The following RANBP2 variants were observed in gnomAD, a reference collection of about 807,000 sequenced individuals.
RANBP2 encodes E3 SUMO-protein ligase RanBP2.
A neutral mutation model predicts 303.6 loss-of-function variants in RANBP2; 57 were observed. That is an observed-to-expected ratio of 0.19 (90% confidence interval 0.15 to 0.23). The LOEUF is 0.23. Ranked by LOEUF, RANBP2 falls within the 10% of genes least tolerant of loss-of-function variation. The probability of loss-of-function intolerance (pLI) is 1.00; values close to 1 mark genes in which losing one functional copy is unlikely to be tolerated. For missense variants in RANBP2, 3,138 were observed against 3,780.8 expected, an observed-to-expected ratio of 0.83 and a Z score of 4.46; for synonymous variants, 1,167 against 1,301.5, an observed-to-expected ratio of 0.90 and a Z score of 2.23.
chr2:108,819,149 A>T, the RANBP2 span, among the ~76,000 whole-genome samples: 1 of 152,302 alleles, frequency 6.6e-6, no homozygotes, highest in Non-Finnish European at 1.5e-5. Context: ...TTGCAATATA[A>T]TGACAAGGAC....
the RANBP2 span, among the ~76,000 whole-genome samples, chr2:108,792,336 A>G: frequency 6.6e-6 from 1 of 152,172 alleles, no homozygotes; most frequent in Non-Finnish European, 1.5e-5. Context: ...CCTTTGTCCC[A>G]TTATTCTCAT....
chr2:108,742,454 C>T (rs984618252), intron 7 of RANBP2, among the ~76,000 whole-genome samples: 3 of 152,072 alleles, frequency 2.0e-5, no homozygotes, highest in African/African-American at 7.2e-5. Flanking sequence ...CAGGCACACA[C>T]CACCATGCCT....
chr2:109,548,537 A>G, the RANBP2 span, among the ~76,000 whole-genome samples: 10 of 152,108 alleles, frequency 6.6e-5, no homozygotes, highest in African/African-American at 2.4e-4. Context: ...GACGTTTGGG[A>G]GGCCGAGGTG....
chr2:109,033,864 G>A, the RANBP2 span, among the ~76,000 whole-genome samples: 2 of 151,130 alleles, frequency 1.3e-5, no homozygotes, highest in African/African-American at 2.4e-5. Flanking sequence ...GCTGAGGCAC[G>A]AGAATTGCTT....
the RANBP2 span, among the ~76,000 whole-genome samples, chr2:109,706,267 G>A: frequency 1.3e-5 from 2 of 152,300 alleles, no homozygotes; most frequent in African/African-American, 2.4e-5. Context: ...CCCATTTCAC[G>A]CAGATGCGGA....
At chr2:109,163,204 C>T in the RANBP2 span, among the ~76,000 whole-genome samples, 57 of 152,228 alleles carry the variant, frequency 3.7e-4, no homozygotes, top group South Asian at 0.012. Flanking sequence ...AACTCGCGGG[C>T]AGCTTTGGCA....
At chr2:109,290,719 G>A in the RANBP2 span, among the ~76,000 whole-genome samples, 1 of 152,222 alleles carries the variant, frequency 6.6e-6, no homozygotes, top group South Asian at 2.1e-4. Flanking sequence ...CTGCCCAGCT[G>A]CACTCAAGGG....
At chr2:109,083,302 C>T in the RANBP2 span, among the ~76,000 whole-genome samples, 1 of 152,136 alleles carries the variant, frequency 6.6e-6, no homozygotes, top group Non-Finnish European at 1.5e-5. Context: ...ATTCTCTCCA[C>T]CCACCACAGC....
chr2:109,090,658 C>T, the RANBP2 span, among the ~76,000 whole-genome samples: 22 of 152,100 alleles, frequency 1.4e-4, 1 homozygote, highest in African/African-American at 4.6e-4. Context: ...TAATTAGTTG[C>T]TTTAATTTTT....
At chr2:109,251,008 T>C in the RANBP2 span, among the ~76,000 whole-genome samples, 5 of 151,926 alleles carry the variant, frequency 3.3e-5, no homozygotes, top group African/African-American at 1.2e-4. Flanking sequence ...TTTTTATTTA[T>C]TTATTTTTTT....
At chr2:109,449,722 A>G in the RANBP2 span, among the ~76,000 whole-genome samples, 1 of 152,228 alleles carries the variant, frequency 6.6e-6, no homozygotes, top group Non-Finnish European at 1.5e-5. Context: ...GTCCAGCTAC[A>G]TTTCTCATGC....
the RANBP2 span, among the ~76,000 whole-genome samples, chr2:109,707,059 T>A: frequency 2.6e-5 from 4 of 152,238 alleles, no homozygotes; most frequent in Non-Finnish European, 5.9e-5. Context: ...ATATTACATC[T>A]TACTCTATTT....
At position 108,755,037 on chromosome 2, in the gene RANBP2, AC is replaced by A. The variant is rs1482412339; in HGVS notation, c.2336del (p.Thr779AsnfsTer33). On this transcript the variant is annotated frameshift_variant, in exon 16 of 29. Coordinates refer to ENST00000283195, the MANE Select transcript of RANBP2 (RefSeq NM_006267.5). LOFTEE classifies it high-confidence loss of function. ...TGCAGATTCAGAAATAAAACATTCT[AC>A]ACCGTCTCCTACCAGATATTCACTA... The part of the protein sequence containing the change: ...RNADSEIKHS[T>X]PSPTRYSLSP... 1 of 1,611,870 alleles carries A rather than the reference AC, an allele frequency of 6.2e-7. No individual in the cohort carries two copies. The highest frequency in any genetic ancestry group is 8.5e-7 in the Non-Finnish European group (1 of 1,179,846).
At chr2:108,889,013 T>G in the RANBP2 span, among the ~76,000 whole-genome samples, 1 of 152,074 alleles carries the variant, frequency 6.6e-6, no homozygotes, top group Non-Finnish European at 1.5e-5. Context: ...CATTTTTATT[T>G]CTTTCAGTTT....
the RANBP2 span, among the ~76,000 whole-genome samples, chr2:109,480,445 G>T: frequency 6.6e-6 from 1 of 152,232 alleles, no homozygotes; most frequent in Non-Finnish European, 1.5e-5. Context: ...GAAAAAGAGA[G>T]TAATAAGGAG....
chr2:109,364,719 T>C, the RANBP2 span, among the ~76,000 whole-genome samples: 1 of 152,186 alleles, frequency 6.6e-6, no homozygotes, highest in Non-Finnish European at 1.5e-5. Flanking sequence ...CCCCCACTCC[T>C]CTGTAGGTGA....
chr2:109,033,556 C>T, the RANBP2 span, among the ~76,000 whole-genome samples: 4 of 152,294 alleles, frequency 2.6e-5, no homozygotes, highest in Admixed American at 2.0e-4. Flanking sequence ...AGAAAGATAA[C>T]AGTGTGTAAG....
chr2:108,920,108 A>AT, the RANBP2 span, among the ~76,000 whole-genome samples: 10 of 152,128 alleles, frequency 6.6e-5, no homozygotes, highest in Non-Finnish European at 1.5e-4. Flanking sequence ...TGTGCTGTCC[A>AT]CACCGCCAGT....
the RANBP2 span, among the ~76,000 whole-genome samples, chr2:109,109,635 T>C: frequency 6.6e-6 from 1 of 152,250 alleles, no homozygotes; most frequent in Non-Finnish European, 1.5e-5. Flanking sequence ...TTTCTATTTA[T>C]GTGATATGAA....
Sources: allele counts gnomAD v4.1 joint callset (sites outside exome capture counted in the v4.1 genomes callset), GRCh38; gene constraint gnomAD v4.1.1; transcripts MANE v1.5; gene names NCBI Gene and HGNC (gene_info 2026-07-23, HGNC 2026-07-21).